Variants in FLT3 observed in about 807,000 individuals in gnomAD.
FLT3 encodes fms related receptor tyrosine kinase 3.
A neutral mutation model predicts 126.6 loss-of-function variants in FLT3; 46 were observed. That is an observed-to-expected ratio of 0.36 (90% CI 0.29 to 0.46). The LOEUF (loss-of-function observed/expected upper bound fraction) is 0.46. FLT3 is among the 20% of genes least tolerant of loss of function. The pLI is 1.00. For synonymous variants in FLT3, 404 were observed against 434.4 expected, an observed-to-expected ratio of 0.93 and a Z score of 0.87; for missense variants, 1,069 against 1,190.3, an observed-to-expected ratio of 0.90 and a Z score of 1.50.
chr13:28,059,183 C>T (rs1430426891), intron 3 of FLT3, among the ~76,000 whole-genome samples: 2 of 152,156 alleles, frequency 1.3e-5, no homozygotes, highest in African/African-American at 2.4e-5. Flanking sequence ...AAAACAAATA[C>T]AAATAACTGG....
At chr13:28,081,832 TTTAC>T (rs1335051762) in intron 1 of FLT3, among the ~76,000 whole-genome samples, 4 of 150,152 alleles carry the variant, frequency 2.7e-5, no homozygotes, top group Non-Finnish European at 5.9e-5. Flanking sequence ...CTTTGATTTT[TTTAC>T]TTTGATTCTT....
intron 12 of FLT3, 127 bp from the exon 13 acceptor site, chr13:28,034,534 T>G: frequency 1.5e-6 from 1 of 688,734 alleles, no homozygotes; most frequent in South Asian, 1.8e-5. Context: ...TAACAACCAC[T>G]CTACATATAC....
chr13:28,041,742 C>T (rs1043974235), intron 9 of FLT3, among the ~76,000 whole-genome samples: 2 of 152,164 alleles, frequency 1.3e-5, no homozygotes, highest in African/African-American at 2.4e-5. Flanking sequence ...CTTCCTCTTT[C>T]GCCTAGGGGT....
chr13:28,078,007 A>G (rs544686786), intron 1 of FLT3, among the ~76,000 whole-genome samples: 36 of 152,308 alleles, frequency 2.4e-4, no homozygotes, highest in African/African-American at 4.6e-4. Context: ...GTGGATTCCT[A>G]TGGTCTTGGG....
intron 4 of FLT3, among the ~76,000 whole-genome samples, chr13:28,054,139 A>C (rs2137746417): frequency 6.6e-6 from 1 of 152,328 alleles, no homozygotes; most frequent in South Asian, 2.1e-4. Flanking sequence ...GTATGAGCAC[A>C]TTCAGCCTTA....
At chr13:28,053,088 TA>T (rs1284747806) in intron 4 of FLT3, among the ~76,000 whole-genome samples, 2 of 152,108 alleles carry the variant, frequency 1.3e-5, no homozygotes, top group African/African-American at 4.8e-5. Context: ...TACTAAGATT[TA>T]GAAAGACAGA....
chr13:28,028,407 A>G (rs1873005523), intron 15 of FLT3, 119 bp from the exon 16 acceptor site: 1 of 631,432 alleles, frequency 1.6e-6, no homozygotes, highest in Non-Finnish European at 2.8e-6. Context: ...ATTCAAAATT[A>G]TGAGAGAAGC....
Position 28,100,334 on chromosome 13 carries a change from C to T in FLT3, c.43+134G>A. 2 of 536,358 alleles carry T rather than the reference C, an allele frequency of 3.7e-6. No individual in the cohort carries two copies. The highest frequency in any genetic ancestry group is 5.5e-6 in the Non-Finnish European group (2 of 363,310). 33.2% of individuals were successfully genotyped at this position (536,358 alleles called of 1,614,324 possible). On this transcript the variant is annotated intron_variant, in intron 1 of 23. Transcript: ENST00000241453. This position sits in a 1 kb window ranked among gnomAD's most constrained non-coding sequence, Gnocchi z 4.8. ...GAGGGCGCGAAAGAGGGGAGGGGCG[C>T]GGGAGGCAATGGAAGGAGCGAGCGC...
intron 2 of FLT3, 145 bp from the exon 3 acceptor site, chr13:28,062,214 T>G: frequency 4.9e-6 from 3 of 618,080 alleles, no homozygotes; most frequent in Non-Finnish European, 8.7e-6. Context: ...GAGAACACGT[T>G]GCCGACTGAA....
At chr13:28,035,429 G>C in intron 12 of FLT3, 66 bp downstream of exon 12, 1 of 1,465,124 alleles carries the variant, frequency 6.8e-7, no homozygotes, top group Admixed American at 1.9e-5. Flanking sequence ...GTAAAAGTCA[G>C]CGATGGGGAC....
In FLT3 at chr13:28,021,959, G is replaced by A. The variant is rs576851147; in HGVS notation, c.2418+1391C>T. 1.7e-3 allele frequency among the ~76,000 whole-genome samples: 255 copies of A among 152,054 alleles called. 2 individuals carry two copies. The highest frequency in any genetic ancestry group is 5.8e-3 in the African/African-American group (241 of 41,488). ...TCACCGTGTTGGCCAGGATGGTCTCGATCTCCTGACCTCGTGATTCACCCA... is the reference window on the plus strand; with the variant it reads ...TCACCGTGTTGGCCAGGATGGTCTCAATCTCCTGACCTCGTGATTCACCCA... On this transcript the variant is annotated intron_variant, in intron 19 of 23. Coordinates refer to ENST00000241453, the MANE Select transcript of FLT3 (RefSeq NM_004119.3).
chr13:28,095,295 GAGA>G (rs1402042879), intron 1 of FLT3, among the ~76,000 whole-genome samples: 7 of 149,908 alleles, frequency 4.7e-5, no homozygotes, highest in Non-Finnish European at 1.5e-5. Context: ...TTTTTTTTTT[GAGA>G]AGGAGTCTCG....
At chr13:28,069,382 T>C (rs867790424) in intron 2 of FLT3, among the ~76,000 whole-genome samples, 1 of 152,126 alleles carries the variant, frequency 6.6e-6, no homozygotes, top group Non-Finnish European at 1.5e-5. Flanking sequence ...CTTTCAAGCC[T>C]GGGAACTAAA....
chr13:28,095,979 G>A (rs1879426147), intron 1 of FLT3, among the ~76,000 whole-genome samples: 1 of 152,052 alleles, frequency 6.6e-6, no homozygotes, highest in Non-Finnish European at 1.5e-5. Context: ...ATTTAGCTTT[G>A]GAACAGTTTG....
At chr13:28,045,706 A>G (rs981630577) in intron 9 of FLT3, among the ~76,000 whole-genome samples, 2 of 152,030 alleles carry the variant, frequency 1.3e-5, no homozygotes, top group South Asian at 4.1e-4. Flanking sequence ...TTAAAAATAC[A>G]AAAAATTAGC....
chr13:28,046,681 G>A (rs1334008646), intron 9 of FLT3, among the ~76,000 whole-genome samples: 2 of 151,562 alleles, frequency 1.3e-5, no homozygotes, highest in Non-Finnish European at 2.9e-5. Context: ...CTGCAGCCTC[G>A]ACCACCTGGG....
In FLT3 at chr13:28,035,491, G is replaced by T; in HGVS notation, c.1597+4C>A. 1.2e-6 allele frequency: 2 copies of T among 1,610,956 alleles called. No homozygotes were observed. The highest frequency in any genetic ancestry group is 1.7e-6 in the Non-Finnish European group (2 of 1,178,736). Reference sequence around the variant, plus strand: ...GTGGAATATCACAAGAACAACTGTTGTACCTGGAGAGTTTAAAAGGATCGT... The same window carrying T: ...GTGGAATATCACAAGAACAACTGTTTTACCTGGAGAGTTTAAAAGGATCGT... On this transcript the variant is annotated splice_donor_region_variant and intron_variant, in intron 12 of 23. Transcript: ENST00000241453.
At chr13:28,080,044 C>A (rs966628933) in intron 1 of FLT3, among the ~76,000 whole-genome samples, 3 of 152,186 alleles carry the variant, frequency 2.0e-5, no homozygotes, top group Non-Finnish European at 4.4e-5. Context: ...GTATCCACCC[C>A]CAGGACCCAA....
intron 17 of FLT3, among the ~76,000 whole-genome samples, chr13:28,026,231 T>TC (rs1872783359): frequency 6.6e-6 from 1 of 151,154 alleles, no homozygotes; most frequent in Non-Finnish European, 1.5e-5. Flanking sequence ...ATGCCTGTAA[T>TC]CTCAGCTACT....
Sources: gnomAD v4.1 joint callset for allele counts (sites outside exome capture counted in the v4.1 genomes callset) on GRCh38, gnomAD v4.1.1 for gene constraint, Gnocchi (gnomAD v3.1) non-coding constraint, MANE v1.5 for transcripts, NCBI Gene and HGNC (gene_info 2026-07-23, HGNC 2026-07-21) for gene names.